Variants in DPP10 observed in about 807,000 individuals in gnomAD.
DPP10 encodes dipeptidyl peptidase like 10.
In DPP10, 33 loss-of-function variants were observed where a neutral mutation model predicts 120.9. The ratio of observed to expected loss-of-function variants is 0.27; its 90% confidence interval spans 0.21 to 0.37. The LOEUF (loss-of-function observed/expected upper bound fraction) is 0.37. DPP10 is among the 10% of genes least tolerant of loss of function. DPP10 has a pLI of 1.00. For synonymous variants in DPP10, 337 were observed against 326.1 expected, an observed-to-expected ratio of 1.03 and a Z score of -0.36; for missense variants, 816 against 942.8, an observed-to-expected ratio of 0.87 and a Z score of 1.76.
intron 3 of DPP10, among the ~76,000 whole-genome samples, chr2:115,443,867 A>T (rs1027821007): frequency 2.0e-5 from 3 of 152,212 alleles, no homozygotes; most frequent in Non-Finnish European, 4.4e-5. Flanking sequence ...TCTTTGTTAC[A>T]GGAGTCTGTT....
chr2:115,749,978 T>G (rs1191748828), intron 10 of DPP10: 8 of 985,192 alleles, frequency 8.1e-6, no homozygotes, highest in African/African-American at 5.2e-5. Flanking sequence ...CTAGCTTGTC[T>G]CTGTCTCTGT....
Position 115,105,461 on chromosome 2 carries a change from A to G in DPP10, c.61-203778A>G, listed in dbSNP as rs13405707. On this transcript the variant is annotated intron_variant, in intron 1 of 25. Transcript: ENST00000410059. Reference sequence around the variant, plus strand: ...AGAGAGAGAGAGAGAGAGAGAGGAGAAGCAGGACTGACTTTTTTGAGCAAT... The same window carrying G: ...AGAGAGAGAGAGAGAGAGAGAGGAGGAGCAGGACTGACTTTTTTGAGCAAT... Among the ~76,000 whole-genome samples, 101 of 143,682 alleles carry G rather than the reference A, an allele frequency of 7.0e-4. 1 individual carries two copies. Among genetic ancestry groups the G allele is most frequent in the African/African-American group, 1.9e-3 (75 of 39,962 alleles). The allele number at this position is 143,682 out of a possible 152,430, so 94.3% of individuals were successfully genotyped here. A position where few individuals can be genotyped will look rare whatever the true frequency, so the allele number is the denominator to read the frequency against.
At chr2:115,617,289 T>TATATATATATATATATAA in intron 5 of DPP10, among the ~76,000 whole-genome samples, 1 of 136,530 alleles carries the variant, frequency 7.3e-6, no homozygotes, top group African/African-American at 2.7e-5. Flanking sequence ...TATATATATA[T>TATATATATATATATATAA]ACACACATAG....
intron 3 of DPP10, among the ~76,000 whole-genome samples, chr2:115,449,932 G>T (rs1033033567): frequency 1.3e-5 from 2 of 151,944 alleles, no homozygotes; most frequent in African/African-American, 4.8e-5. Context: ...TTATTATTCG[G>T]AGACAAATAT....
intron 1 of DPP10, among the ~76,000 whole-genome samples, chr2:115,272,387 A>G (rs1015908103): frequency 5.3e-5 from 8 of 152,230 alleles, no homozygotes; most frequent in Non-Finnish European, 1.0e-4. Context: ...AATGAACAGA[A>G]AAACTCTGCA....
intron 1 of DPP10, among the ~76,000 whole-genome samples, chr2:114,812,617 C>CACAA (rs1242566036): frequency 1.3e-5 from 2 of 150,562 alleles, no homozygotes; most frequent in East Asian, 1.9e-4. Context: ...CACACACACA[C>CACAA]AATTATAATT....
At chr2:115,670,846 C>A (rs1203971535) in intron 5 of DPP10, among the ~76,000 whole-genome samples, 1 of 152,056 alleles carries the variant, frequency 6.6e-6, no homozygotes, top group Non-Finnish European at 1.5e-5. Context: ...AAGGCATCTC[C>A]CTCTGACTTC....
At chr2:115,722,609 A>G (rs996910082) in intron 7 of DPP10, among the ~76,000 whole-genome samples, 12 of 152,094 alleles carry the variant, frequency 7.9e-5, no homozygotes, top group Non-Finnish European at 1.8e-4. Context: ...ATTGTGGGCA[A>G]CTGCAACACA....
chr2:114,614,095 C>T (rs535324314), intron 1 of DPP10, among the ~76,000 whole-genome samples: 9 of 152,056 alleles, frequency 5.9e-5, no homozygotes, highest in East Asian at 1.9e-4. Context: ...TGTAAAAAAC[C>T]GGCACATTCT....
intron 1 of DPP10, among the ~76,000 whole-genome samples, chr2:115,185,916 C>T (rs1472362283): frequency 6.6e-6 from 1 of 152,166 alleles, no homozygotes; most frequent in African/African-American, 2.4e-5. Context: ...TCTCACTTCT[C>T]TACTGAAAAA....
chr2:114,499,792 A>T (rs886606787), intron 1 of DPP10, among the ~76,000 whole-genome samples: 2 of 152,224 alleles, frequency 1.3e-5, no homozygotes, highest in African/African-American at 2.4e-5. Context: ...CCTTTATGGA[A>T]TGAAAGCTTC....
At chr2:115,186,220 GT>G (rs2054425536) in intron 1 of DPP10, among the ~76,000 whole-genome samples, 1 of 152,070 alleles carries the variant, frequency 6.6e-6, no homozygotes, top group Non-Finnish European at 1.5e-5. Context: ...TCTTAGCTTT[GT>G]TCTGTTTTAC....
intron 1 of DPP10, among the ~76,000 whole-genome samples, chr2:115,291,811 G>C (rs1005776002): frequency 2.6e-5 from 4 of 152,092 alleles, no homozygotes; most frequent in African/African-American, 9.7e-5. Context: ...TCAATACCAA[G>C]GCTCGGGTGG....
At chr2:115,280,433 T>C (rs968094797) in intron 1 of DPP10, among the ~76,000 whole-genome samples, 1 of 152,222 alleles carries the variant, frequency 6.6e-6, no homozygotes, top group African/African-American at 2.4e-5. Flanking sequence ...TTATAAGTCC[T>C]GAGACATAGT....
chr2:115,234,781 T>G (rs1162425842), intron 1 of DPP10: 1 of 152,210 alleles, frequency 6.6e-6, no homozygotes, highest in Non-Finnish European at 1.5e-5. Context: ...ATTCAGGTCT[T>G]TTTTAAGTCC....
At chr2:114,871,397 G>A (rs1690680424) in intron 1 of DPP10, among the ~76,000 whole-genome samples, 1 of 152,126 alleles carries the variant, frequency 6.6e-6, no homozygotes, top group Non-Finnish European at 1.5e-5. Context: ...TATTAGGTTG[G>A]TGCACAAGTA....
rs182504252 is a variant in DPP10 at position 114,475,513 on chromosome 2, T to G, written c.60+32675T>G. On this transcript the variant is annotated intron_variant, in intron 1 of 25. Transcript: ENST00000410059. ...TCTCTCTCTGTCTCTGTTCTTCTCT[T>G]TTCTCCCAGGTCTAATGTATCAGAA... Among the ~76,000 whole-genome samples the G allele has an allele frequency of 8.5e-4, 130 of 152,276 alleles. 1 individual carries two copies. Among genetic ancestry groups the G allele is most frequent in the Admixed American group, 7.5e-3 (115 of 15,282 alleles).
At chr2:115,039,816 A>C (rs992247963) in intron 1 of DPP10, among the ~76,000 whole-genome samples, 9 of 152,108 alleles carry the variant, frequency 5.9e-5, no homozygotes, top group African/African-American at 9.7e-5. Context: ...TTGGGCCATC[A>C]AGTCGTCTGC....
At chr2:115,545,665 A>G (rs796643354) in intron 5 of DPP10, among the ~76,000 whole-genome samples, 2 of 152,262 alleles carry the variant, frequency 1.3e-5, no homozygotes, top group East Asian at 1.9e-4. Flanking sequence ...ATTATTTTCA[A>G]TCCCTGAAGT....
Sources: allele counts gnomAD v4.1 joint callset (sites outside exome capture counted in the v4.1 genomes callset), GRCh38; gene constraint gnomAD v4.1.1; transcripts MANE v1.5; gene names NCBI Gene and HGNC (gene_info 2026-07-23, HGNC 2026-07-21).